Variants in SYCE3 observed in about 807,000 individuals in gnomAD.
SYCE3 encodes testis highly expressed gene 2 protein.
A neutral mutation model predicts 8.1 loss-of-function variants in SYCE3; 3 were observed. The ratio of observed to expected loss-of-function variants is 0.37; its 90% CI spans 0.17 to 0.96. The LOEUF is 0.96. Among genes scored for constraint, SYCE3 ranks in the 40% least tolerant of loss-of-function variants. The pLI, the probability that SYCE3 is intolerant of heterozygous loss-of-function variation, is 0.41. For missense variants in SYCE3, 83 were observed against 110.0 expected, an observed-to-expected ratio of 0.75 and a Z score of 1.10; for synonymous variants, 36 against 38.7, an observed-to-expected ratio of 0.93 and a Z score of 0.26.
chr22:50,554,017 C>G (rs1339337355), intron 2 of SYCE3, among the ~76,000 whole-genome samples: 1 of 151,756 alleles, frequency 6.6e-6, no homozygotes, highest in Non-Finnish European at 1.5e-5. Context: ...CACGGGGAAA[C>G]TCCATCTCTA....
chr22:50,559,641 G>C (rs893831572), intron 1 of SYCE3, among the ~76,000 whole-genome samples: 1 of 152,154 alleles, frequency 6.6e-6, no homozygotes, highest in Non-Finnish European at 1.5e-5. Context: ...GTTAGAAGTG[G>C]AGGTAGCCGC....
intron 1 of SYCE3, among the ~76,000 whole-genome samples, chr22:50,561,600 G>A (rs1603442913): frequency 2.6e-5 from 4 of 152,082 alleles, no homozygotes; most frequent in Non-Finnish European, 5.9e-5. Context: ...CACTTTAGGT[G>A]TGAAGGACGG....
At chr22:50,561,505 C>T (rs1285104943) in intron 1 of SYCE3, among the ~76,000 whole-genome samples, 2 of 65,664 alleles carry the variant, frequency 3.0e-5, no homozygotes, top group African/African-American at 1.4e-4. Flanking sequence ...GGATGGGTGG[C>T]GGAAGTGTGG....
At chr22:50,556,190 G>C (rs2069858905) in intron 2 of SYCE3, 107 bp downstream of exon 2, 2 of 734,406 alleles carry the variant, frequency 2.7e-6, no homozygotes, top group Non-Finnish European at 4.5e-6. Context: ...CATATGTCCT[G>C]AGGACCTCCT....
chr22:50,556,709 A>G (rs754137525), intron 1 of SYCE3, among the ~76,000 whole-genome samples: 9 of 152,234 alleles, frequency 5.9e-5, no homozygotes, highest in Non-Finnish European at 1.0e-4. Context: ...AGTCTGTCAT[A>G]ATGGTGACAT....
chr22:50,554,133 T>C (rs2069836006), intron 2 of SYCE3, among the ~76,000 whole-genome samples: 1 of 149,766 alleles, frequency 6.7e-6, no homozygotes, highest in Non-Finnish European at 1.5e-5. Flanking sequence ...AGGCAGAGCT[T>C]GCAGTGAGCC....
chr22:50,556,189 T>G, intron 2 of SYCE3, 108 bp downstream of exon 2: 1 of 732,954 alleles, frequency 1.4e-6, no homozygotes. Flanking sequence ...ACATATGTCC[T>G]GAGGACCTCC....
chr22:50,561,467 G>A (rs868592403), intron 1 of SYCE3, among the ~76,000 whole-genome samples: 2 of 145,182 alleles, frequency 1.4e-5, no homozygotes, highest in African/African-American at 5.0e-5. Flanking sequence ...GCCTGAGCCC[G>A]CACCAAAGCA....
At chr22:50,555,557 T>A (rs1202615079) in intron 2 of SYCE3, among the ~76,000 whole-genome samples, 1 of 152,164 alleles carries the variant, frequency 6.6e-6, no homozygotes, top group Non-Finnish European at 1.5e-5. Context: ...ATAAGAAAGC[T>A]TTTTACAATC....
At chr22:50,551,479 C>T (rs2069809051) in intron 2 of SYCE3, 77 bp from the exon 3 acceptor site, 1 of 1,451,144 alleles carries the variant, frequency 6.9e-7, no homozygotes, top group Non-Finnish European at 9.2e-7. Context: ...GGTCAGATGC[C>T]TCCAGCTGGG....
chr22:50,556,101 G>A (rs1294335797), intron 2 of SYCE3, among the ~76,000 whole-genome samples, 196 bp downstream of exon 2: 3 of 152,052 alleles, frequency 2.0e-5, no homozygotes, highest in Non-Finnish European at 2.9e-5. Flanking sequence ...CCGAACCAGT[G>A]TACATCTTAC....
At chr22:50,560,250 G>A (rs1042815884) in intron 1 of SYCE3, among the ~76,000 whole-genome samples, 4 of 152,194 alleles carry the variant, frequency 2.6e-5, no homozygotes, top group Non-Finnish European at 5.9e-5. Flanking sequence ...TGGAATCCCA[G>A]TGCTTTGGGA....
intron 1 of SYCE3, among the ~76,000 whole-genome samples, chr22:50,558,925 CTTTT>C (rs1441209848): frequency 6.6e-6 from 1 of 152,196 alleles, no homozygotes; most frequent in Non-Finnish European, 1.5e-5. Flanking sequence ...TTCTGTCTTT[CTTTT>C]ATTTAACATC....
intron 2 of SYCE3, among the ~76,000 whole-genome samples, chr22:50,555,080 C>T (rs1371829278): frequency 2.0e-5 from 3 of 149,500 alleles, no homozygotes; most frequent in African/African-American, 5.0e-5. Flanking sequence ...CGAGATCACG[C>T]CACTGTACTC....
chr22:50,554,796 T>C (rs9306547), intron 2 of SYCE3, among the ~76,000 whole-genome samples: 75,642 of 148,788 alleles, frequency 0.51, 19,108 homozygotes, highest in East Asian at 0.65. Flanking sequence ...AGATCAAGAC[T>C]ATCCTGGCCA....
intron 2 of SYCE3, 96 bp from the exon 3 acceptor site, chr22:50,551,498 C>T: frequency 7.4e-7 from 1 of 1,352,308 alleles, no homozygotes; most frequent in Non-Finnish European, 9.9e-7. Flanking sequence ...GGCTCAGCAT[C>T]TGGAGGCCCA....
chr22:50,560,898 T>A (rs1395396929), intron 1 of SYCE3, among the ~76,000 whole-genome samples: 2 of 152,180 alleles, frequency 1.3e-5, no homozygotes, highest in African/African-American at 4.8e-5. Flanking sequence ...CCCGATGGTC[T>A]CTAACTCCCT....
intron 2 of SYCE3, among the ~76,000 whole-genome samples, chr22:50,554,328 A>G (rs1474858527): frequency 6.6e-6 from 1 of 152,194 alleles, no homozygotes; most frequent in Non-Finnish European, 1.5e-5. Context: ...CAGATTGAGG[A>G]AAGACTTTCT....
At chr22:50,553,564 ACAAACACC>A (rs2069830791) in intron 2 of SYCE3, among the ~76,000 whole-genome samples, 1 of 152,076 alleles carries the variant, frequency 6.6e-6, no homozygotes, top group South Asian at 2.1e-4. Context: ...CTAAAACGAT[ACAAACACC>A]CTCCCTCTAT....
Sources: allele counts gnomAD v4.1 joint callset (sites outside exome capture counted in the v4.1 genomes callset), GRCh38; gene constraint gnomAD v4.1.1; transcripts MANE v1.5; gene names NCBI Gene and HGNC (gene_info 2026-07-23, HGNC 2026-07-21).